The following PRELID2 variants were observed in gnomAD, a reference collection of about 807,000 sequenced individuals.
The protein encoded by PRELID2 is PRELI domain containing 2.
Under a neutral mutation model 28.4 loss-of-function variants are expected in PRELID2, and 25 were observed. That is an observed-to-expected ratio of 0.88 (90% CI 0.64 to 1.23). The LOEUF is 1.23. Ranked by LOEUF, PRELID2 falls within the 50% of genes most tolerant of loss-of-function variation. PRELID2 has a pLI of 0.00. For missense variants in PRELID2, 201 were observed against 214.4 expected (o/e 0.94, Z 0.39); for synonymous variants, 76 against 71.6 (o/e 1.06, Z -0.31).
At chr5:145,561,994 A>C (rs1475515663) in intron 1 of PRELID2, among the ~76,000 whole-genome samples, 2 of 94,176 alleles carry the variant, frequency 2.1e-5, no homozygotes, top group African/African-American at 1.3e-4. Context: ...TTCTGGAATT[A>C]AGATAGTGGT....
At chr5:145,468,264 G>T (rs1000279996), downstream of PRELID2, among the ~76,000 whole-genome samples, 1 of 152,136 alleles carries the variant, frequency 6.6e-6, no homozygotes, top group African/African-American at 2.4e-5. Context: ...TTTTATGGCT[G>T]CATAGTATTC....
chr5:145,707,039 G>A (rs1755566776), intron 1 of PRELID2, among the ~76,000 whole-genome samples: 2 of 152,220 alleles, frequency 1.3e-5, no homozygotes, highest in African/African-American at 4.8e-5. Context: ...TCACTCGAGT[G>A]TCCTTCAGAT....
the PRELID2 span, among the ~76,000 whole-genome samples, chr5:145,300,213 C>T: frequency 1.3e-5 from 2 of 152,088 alleles, no homozygotes; most frequent in Non-Finnish European, 2.9e-5. Flanking sequence ...TGCTTGATAT[C>T]TGATAATACC....
At chr5:145,542,272 G>GGAGCTATTAAATGC (rs1752750052) in intron 1 of PRELID2, among the ~76,000 whole-genome samples, 4 of 152,230 alleles carry the variant, frequency 2.6e-5, no homozygotes, top group Admixed American at 2.0e-4. Context: ...TAATGGGCTG[G>GGAGCTATTAAATGC]TATTAAATGC....
chr5:145,723,308 A>G (rs1254222720), intron 1 of PRELID2, among the ~76,000 whole-genome samples: 1 of 152,180 alleles, frequency 6.6e-6, no homozygotes. Context: ...ATTTTATACA[A>G]AAACACTACA....
the PRELID2 span, among the ~76,000 whole-genome samples, chr5:145,443,510 A>G: frequency 6.6e-6 from 1 of 152,122 alleles, no homozygotes; most frequent in African/African-American, 2.4e-5. Flanking sequence ...GAAAAAGACA[A>G]CTGAGCTGTA....
chr5:145,393,179 A>G, the PRELID2 span, among the ~76,000 whole-genome samples: 1 of 152,198 alleles, frequency 6.6e-6, no homozygotes, highest in African/African-American at 2.4e-5. Context: ...AGAGAATGAC[A>G]TTATCCATTA....
rs530322801 is a variant in PRELID2 at position 145,578,017 on chromosome 5, C to T, written n.71-104702G>A. 3.9e-5 allele frequency among the ~76,000 whole-genome samples: 6 copies of T among 152,128 alleles called. No homozygotes were observed. In the South Asian group the frequency reaches 1.0e-3, roughly 26 times the overall value. ...TGTAGGGATCCTCCTCTCAATCCAT[C>T]CAGAAAATTTTTCTTACTAATTTCC... On this transcript the variant is annotated intron_variant and non_coding_transcript_variant, in intron 1 of 2. Transcript: ENST00000510259.
At chr5:145,644,668 C>T (rs1754167198) in intron 1 of PRELID2, among the ~76,000 whole-genome samples, 1 of 152,156 alleles carries the variant, frequency 6.6e-6, no homozygotes, top group South Asian at 2.1e-4. Context: ...ATAAATTTCC[C>T]TTTATGCGTT....
intron 1 of PRELID2, among the ~76,000 whole-genome samples, chr5:145,605,987 T>C (rs1753498421): frequency 6.6e-6 from 1 of 152,042 alleles, no homozygotes; most frequent in Admixed American, 6.6e-5. Flanking sequence ...TTTCACCTCC[T>C]TGGTTAGCTG....
intron 1 of PRELID2, among the ~76,000 whole-genome samples, chr5:145,748,466 T>C (rs1191566243): frequency 6.6e-6 from 1 of 151,900 alleles, no homozygotes; most frequent in African/African-American, 2.4e-5. Context: ...TGCTCAAGGA[T>C]ATAAAAGAGG....
the PRELID2 span, among the ~76,000 whole-genome samples, chr5:145,344,197 A>T: frequency 1.9e-3 from 294 of 152,158 alleles, no homozygotes; most frequent in Non-Finnish European, 3.3e-3. Flanking sequence ...AGACAAGGAC[A>T]CAACAACAAC....
chr5:145,770,484 A>G (rs1481771400), intron 5 of PRELID2, among the ~76,000 whole-genome samples: 1 of 152,230 alleles, frequency 6.6e-6, no homozygotes. Context: ...AGCCTGGGCA[A>G]CAAAGTGAGA....
At position 145,758,788 on chromosome 5, in the gene PRELID2, G is replaced by T. The variant is rs1330563778; in HGVS notation, c.*1748C>A. Among the ~76,000 whole-genome samples the T allele has an allele frequency of 6.6e-6, 1 of 151,984 alleles. No individual in the cohort carries two copies. The highest frequency in any genetic ancestry group is 1.5e-5 in the Non-Finnish European group (1 of 68,000). On this transcript the variant is annotated 3_prime_UTR_variant, in exon 7 of 7. Coordinates refer to ENST00000683046, the MANE Select transcript of PRELID2 (RefSeq NM_205846.3). ...CATTATTTTTCCCTCCAACACAATT[G>T]AAGAATGAAACACTATGAAGCTGAA...
chr5:145,641,414 A>G (rs997469926), intron 1 of PRELID2, among the ~76,000 whole-genome samples: 2 of 152,248 alleles, frequency 1.3e-5, no homozygotes, highest in African/African-American at 2.4e-5. Context: ...CAGAAACACG[A>G]AAGTTAAAAC....
chr5:145,422,066 G>A, the PRELID2 span, among the ~76,000 whole-genome samples: 2 of 140,062 alleles, frequency 1.4e-5, no homozygotes, highest in Non-Finnish European at 3.1e-5. Flanking sequence ...TTAATCCTGA[G>A]TTCTAGTTTG....
chr5:145,796,679 CTAT>C, intron 4 of PRELID2, 132 bp from the exon 5 acceptor site: 1 of 442,808 alleles, frequency 2.3e-6, no homozygotes, highest in Middle Eastern at 4.5e-4. Flanking sequence ...CAATAACTAC[CTAT>C]TATAAGAAGA....
At chr5:145,814,097 T>C (rs1754134862) in intron 4 of PRELID2, among the ~76,000 whole-genome samples, 1 of 152,230 alleles carries the variant, frequency 6.6e-6, no homozygotes, top group South Asian at 2.1e-4. Context: ...ACATGCATTA[T>C]TGTTTCTAGA....
At chr5:145,665,917 CT>C (rs1445464417) in intron 1 of PRELID2, among the ~76,000 whole-genome samples, 6 of 146,182 alleles carry the variant, frequency 4.1e-5, no homozygotes, top group African/African-American at 5.1e-5. Flanking sequence ...TAATGAGAAA[CT>C]TTTTTTGTAA....
Sources: allele counts gnomAD v4.1 joint callset (sites outside exome capture counted in the v4.1 genomes callset), GRCh38; gene constraint gnomAD v4.1.1; transcripts MANE v1.5; gene names NCBI Gene and HGNC (gene_info 2026-07-23, HGNC 2026-07-21).